The following IQCM variants were observed in gnomAD, a reference collection of about 807,000 sequenced individuals.
The protein encoded by IQCM is IQ motif containing M.
A neutral mutation model predicts 57.6 loss-of-function variants in IQCM; 45 were observed. The ratio of observed to expected loss-of-function variants is 0.78; its 90% CI spans 0.62 to 1.00. The LOEUF (loss-of-function observed/expected upper bound fraction) is 1.00. IQCM is among the 50% of genes least tolerant of loss of function. IQCM has a pLI of 0.00. For synonymous variants in IQCM, 148 were observed against 158.9 expected (o/e 0.93, Z 0.51); for missense variants, 468 against 511.6 (o/e 0.91, Z 0.82).
intron 12 of IQCM, among the ~76,000 whole-genome samples, chr4:149,440,903 T>A (rs1335184692): frequency 6.6e-6 from 1 of 152,142 alleles, no homozygotes; most frequent in African/African-American, 2.4e-5. Flanking sequence ...ATACTAATGT[T>A]AAGATTATTT....
chr4:149,687,901 G>A (rs1207369167), intron 5 of IQCM, among the ~76,000 whole-genome samples: 10 of 151,702 alleles, frequency 6.6e-5, no homozygotes, highest in South Asian at 6.2e-4. Flanking sequence ...ATCCAGCACC[G>A]CTTTATGATT....
At chr4:149,502,140 T>TTATA (rs1187998659) in intron 12 of IQCM, among the ~76,000 whole-genome samples, 17 of 150,468 alleles carry the variant, frequency 1.1e-4, no homozygotes, top group East Asian at 7.8e-4. Context: ...TTTTTTATAA[T>TTATA]TATATATATA....
chr4:149,383,837 A>C (rs1413213126), intron 13 of IQCM, among the ~76,000 whole-genome samples: 1 of 152,102 alleles, frequency 6.6e-6, no homozygotes, highest in Non-Finnish European at 1.5e-5. Context: ...CTGTAATCCC[A>C]GCTAATTCAG....
At chr4:149,484,518 C>T (rs1463132615) in intron 12 of IQCM, among the ~76,000 whole-genome samples, 1 of 151,818 alleles carries the variant, frequency 6.6e-6, no homozygotes, top group Non-Finnish European at 1.5e-5. Context: ...TCTCTTATAA[C>T]CCATTATTTT....
Position 149,805,106 on chromosome 4 carries a change from A to G in IQCM, c.-49+10205T>C, listed in dbSNP as rs149574310. 6.5e-3 allele frequency among the ~76,000 whole-genome samples: 990 copies of G among 152,244 alleles called. 5 individuals carry two copies. Among genetic ancestry groups the G allele is most frequent in the Non-Finnish European group, 0.011 (730 of 67,992 alleles). ...AGCTGTCAAGCCACCAGTAATGAGCAGTAAGAAATATGAGAAATTATAGGC... is the reference window on the plus strand; with the variant it reads ...AGCTGTCAAGCCACCAGTAATGAGCGGTAAGAAATATGAGAAATTATAGGC... On this transcript the variant is annotated intron_variant, in intron 2 of 13. Transcript: ENST00000636793.
intron 7 of IQCM, among the ~76,000 whole-genome samples, chr4:149,658,788 T>A (rs949028071): frequency 5.9e-5 from 9 of 152,112 alleles, no homozygotes; most frequent in Non-Finnish European, 1.0e-4. Context: ...TTCACTATAA[T>A]CATATAGAAA....
At chr4:149,373,907 A>G (rs1440738285) in intron 13 of IQCM, among the ~76,000 whole-genome samples, 1 of 152,284 alleles carries the variant, frequency 6.6e-6, no homozygotes, top group South Asian at 2.1e-4. Context: ...GAAGACAGAA[A>G]TAAGGTGGAA....
chr4:149,505,458 CTTCT>C (rs1743707031), intron 12 of IQCM, among the ~76,000 whole-genome samples: 1 of 152,124 alleles, frequency 6.6e-6, no homozygotes, highest in African/African-American at 2.4e-5. Context: ...AATTTTTCAT[CTTCT>C]TTAAGATTCC....
intron 7 of IQCM, among the ~76,000 whole-genome samples, chr4:149,671,231 A>AT: frequency 6.6e-6 from 1 of 152,124 alleles, no homozygotes; most frequent in East Asian, 1.9e-4. Context: ...GTGTCCAGGA[A>AT]TTTATCCATT....
intron 7 of IQCM, among the ~76,000 whole-genome samples, chr4:149,649,353 TCCCTTA>T (rs1248248616): frequency 6.6e-6 from 1 of 152,012 alleles, no homozygotes; most frequent in Admixed American, 6.6e-5. Context: ...CCTGACTGTT[TCCCTTA>T]CCTGCATGCT....
At chr4:149,402,402 T>G (rs1732678886) in intron 13 of IQCM, among the ~76,000 whole-genome samples, 1 of 151,742 alleles carries the variant, frequency 6.6e-6, no homozygotes, top group African/African-American at 2.4e-5. Flanking sequence ...ACCTCAGAAA[T>G]TAATATTCAC....
At chr4:149,724,591 A>G (rs1412709178) in intron 5 of IQCM, among the ~76,000 whole-genome samples, 1 of 151,820 alleles carries the variant, frequency 6.6e-6, no homozygotes, top group African/African-American at 2.4e-5. Context: ...ACACTCTCAC[A>G]ACTCACACAC....
At chr4:149,663,434 G>C (rs772773651) in intron 7 of IQCM, among the ~76,000 whole-genome samples, 15 of 151,856 alleles carry the variant, frequency 9.9e-5, no homozygotes, top group Non-Finnish European at 2.1e-4. Flanking sequence ...TCATCCTCTT[G>C]TTTACAGCTG....
intron 12 of IQCM, among the ~76,000 whole-genome samples, chr4:149,513,423 A>G (rs529570115): frequency 3.2e-4 from 49 of 152,126 alleles, no homozygotes; most frequent in African/African-American, 1.1e-3. Flanking sequence ...ATGTTAAATG[A>G]AAAAAAAGAA....
At chr4:149,391,038 T>C (rs1383675899) in intron 13 of IQCM, among the ~76,000 whole-genome samples, 1 of 151,924 alleles carries the variant, frequency 6.6e-6, no homozygotes, top group Non-Finnish European at 1.5e-5. Flanking sequence ...TAGACAGAGA[T>C]AAATTGAGTA....
intron 5 of IQCM, among the ~76,000 whole-genome samples, chr4:149,722,190 A>G (rs1437444152): frequency 6.6e-6 from 1 of 152,074 alleles, no homozygotes; most frequent in Admixed American, 6.6e-5. Context: ...GATTCTGGAT[A>G]TTAGCCCTTT....
chr4:149,768,315 G>A (rs1174980543), intron 2 of IQCM, among the ~76,000 whole-genome samples: 1 of 152,036 alleles, frequency 6.6e-6, no homozygotes, highest in Non-Finnish European at 1.5e-5. Context: ...CACACAATCT[G>A]CTGATAATAA....
intron 10 of IQCM, among the ~76,000 whole-genome samples, chr4:149,558,787 C>T (rs1279186432): frequency 6.6e-6 from 1 of 152,108 alleles, no homozygotes; most frequent in Admixed American, 6.6e-5. Flanking sequence ...CATTCTTCTT[C>T]CATGAAAGAA....
intron 13 of IQCM, among the ~76,000 whole-genome samples, chr4:149,417,311 G>A (rs1354713786): frequency 6.6e-6 from 1 of 152,088 alleles, no homozygotes; most frequent in Non-Finnish European, 1.5e-5. Context: ...TCTCCCTAAA[G>A]CTTGGAGGAG....
Sources: allele counts gnomAD v4.1 joint callset (sites outside exome capture counted in the v4.1 genomes callset), GRCh38; gene constraint gnomAD v4.1.1; transcripts MANE v1.5; gene names NCBI Gene and HGNC (gene_info 2026-07-23, HGNC 2026-07-21).